UNC45B: variants seen among roughly 807,000 people sequenced by gnomAD.
The protein encoded by UNC45B is unc-45 myosin chaperone B.
In UNC45B, 78 loss-of-function variants were observed where a neutral mutation model predicts 98.7. The observed-to-expected ratio is 0.79, with a 90% CI of 0.66 to 0.95. The LOEUF (loss-of-function observed/expected upper bound fraction) is 0.95. Among genes scored for constraint, UNC45B ranks in the 40% least tolerant of loss-of-function variants. UNC45B has a pLI of 0.00. For missense variants in UNC45B, 1,225 were observed against 1,184.9 expected, an observed-to-expected ratio of 1.03 and a Z score of -0.50; for synonymous variants, 462 against 480.4, an observed-to-expected ratio of 0.96 and a Z score of 0.50.
At chr17:35,151,384 TTTCACCATG>T (rs2092018591) in intron 4 of UNC45B, among the ~76,000 whole-genome samples, 1 of 152,016 alleles carries the variant, frequency 6.6e-6, no homozygotes, top group Non-Finnish European at 1.5e-5. Flanking sequence ...AGAGATGGGG[TTTCACCATG>T]TTGGCCAGAC....
chr17:35,153,126 CA>C, intron 5 of UNC45B, 144 bp downstream of exon 5: 1 of 608,130 alleles, frequency 1.6e-6, no homozygotes. Context: ...CATTGGAACA[CA>C]GTGTAAACCA....
rs1188116917 is a variant in UNC45B, at chr17:35,168,357, T to G, written c.1448T>G (p.Leu483Arg). 1 of 1,341,598 alleles carries G rather than the reference T, an allele frequency of 7.5e-7. No individual in the cohort carries two copies. The allele number at this position is 1,341,598 out of a possible 1,614,324, so 83.1% of individuals were successfully genotyped here. ...TKNEKIKIRTLVGLCKLGSAG... is the reference protein window; with the variant it reads ...TKNEKIKIRTRVGLCKLGSAG... ...AATGAGAAGATCAAGATCCGCACACTGGTGGTGAGTGGGCTCGGTACCACC... is the reference window on the plus strand; with the variant it reads ...AATGAGAAGATCAAGATCCGCACACGGGTGGTGAGTGGGCTCGGTACCACC... Residue 483 changes from leucine to arginine, a missense_variant, in exon 10 of 20, where the codon CTG becomes CGG. Physicochemically the swap from Leu to Arg is moderately radical, Grantham distance 102 (BLOSUM62 -2). Transcript: ENST00000394570.
chr17:35,168,024 G>T, intron 9 of UNC45B, 37 bp from the exon 10 acceptor site: 2 of 1,425,132 alleles, frequency 1.4e-6, no homozygotes, highest in Middle Eastern at 1.9e-4. Context: ...CACTCTCTTG[G>T]ACCAGTTCTC....
At position 35,148,134 on chromosome 17, in the gene UNC45B, C is replaced by T. The variant is rs902466905; in HGVS notation, c.1-130C>T. The T allele has an allele frequency of 4.0e-6, 4 of 1,008,684 alleles. No homozygotes were observed. The African/African-American group carries it at 4.9e-5, about 12-fold the overall frequency. 62.5% of individuals were successfully genotyped at this position (1,008,684 alleles called of 1,614,324 possible). A position where few individuals can be genotyped will look rare whatever the true frequency, so the allele number is the denominator to read the frequency against. ...GATTTGGGGGTTCTGGGGGTGGGTC[C>T]CTTCCAGGCAGAATCCCCACCATCC... On this transcript the variant is annotated intron_variant, in intron 1 of 19. Coordinates refer to ENST00000394570, the MANE Select transcript of UNC45B (RefSeq NM_001267052.2).
chr17:35,168,413 C>T (rs2092157644), intron 10 of UNC45B, 52 bp downstream of exon 10: 2 of 1,293,234 alleles, frequency 1.5e-6, no homozygotes, highest in Non-Finnish European at 2.0e-6. Flanking sequence ...CCATGCCAGG[C>T]ACCAGGGACA....
At chr17:35,154,498 TCTTGTA>T in intron 5 of UNC45B, 70 bp from the exon 6 acceptor site, 1 of 1,415,122 alleles carries the variant, frequency 7.1e-7, no homozygotes, top group Non-Finnish European at 9.6e-7. Context: ...CACTGGCTCT[TCTTGTA>T]CTTGGCCCAT....
In UNC45B at chr17:35,170,189, C is replaced by A. The variant is rs531660473; in HGVS notation, c.1623C>A (p.Asp541Glu). Residue 541 changes from aspartate to glutamate, a missense_variant, in exon 12 of 20, where the codon GAC (aspartate) becomes GAA (glutamate). Transcript: ENST00000394570. ...AVEGLAYLTL[D>E]ADVKDDFVQD... The stretch of plus-strand genomic sequence containing the variant: ...AGGGCCTGGCCTACCTCACGCTGGA[C>A]GCTGATGTGAAGGACGACTTTGTCC... 4 of 1,613,922 alleles carry A rather than the reference C, an allele frequency of 2.5e-6. No individual in the cohort carries two copies. Among genetic ancestry groups the A allele is most frequent in the South Asian group, 2.2e-5 (2 of 91,068 alleles).
intron 17 of UNC45B, among the ~76,000 whole-genome samples, chr17:35,178,081 G>T (rs2092248668): frequency 6.6e-6 from 1 of 152,034 alleles, no homozygotes; most frequent in Non-Finnish European, 1.5e-5. Context: ...TGTATTTTTA[G>T]TAGAGACAGG....
At chr17:35,159,815 T>G (rs2092090170) in intron 8 of UNC45B, among the ~76,000 whole-genome samples, 1 of 152,148 alleles carries the variant, frequency 6.6e-6, no homozygotes, top group Admixed American at 6.5e-5. Context: ...GGACAAGGAC[T>G]CCACCAACCA....
At chr17:35,167,166 C>T (rs1263927601) in intron 9 of UNC45B, among the ~76,000 whole-genome samples, 1 of 152,206 alleles carries the variant, frequency 6.6e-6, no homozygotes, top group Non-Finnish European at 1.5e-5. Context: ...CCGGGCATCA[C>T]GCTAGGCCTT....
At chr17:35,159,034 A>T (rs1353841079) in intron 7 of UNC45B, among the ~76,000 whole-genome samples, 1 of 152,240 alleles carries the variant, frequency 6.6e-6, no homozygotes, top group Admixed American at 6.5e-5. Flanking sequence ...AAAGCATTTT[A>T]TTAAATCAGT....
At position 35,175,963 on chromosome 17, in the gene UNC45B, C is replaced by G; in HGVS notation, c.1959-5C>G. ...AACTGTTCTCCTTTCTTCTCGGTCCCACAGGGTATTCCTGGCACTGTGTGA... is the reference window on the plus strand; with the variant it reads ...AACTGTTCTCCTTTCTTCTCGGTCCGACAGGGTATTCCTGGCACTGTGTGA... On this transcript the variant is annotated splice_region_variant and splice_polypyrimidine_tract_variant and intron_variant, in intron 14 of 19. Coordinates refer to ENST00000394570, the MANE Select transcript of UNC45B (RefSeq NM_001267052.2). The G allele has an allele frequency of 6.2e-7, 1 of 1,613,888 alleles. No individual in the cohort carries two copies. Among genetic ancestry groups the G allele is most frequent in the Non-Finnish European group, 8.5e-7 (1 of 1,179,850 alleles).
At position 35,177,469 on chromosome 17, in the gene UNC45B, C is replaced by A. The variant is rs775917371; in HGVS notation, c.2140-26C>A. ...CTCAGGGAACAAAGTCCTCACCTGA[C>A]CAAACCCTTGACCCCTCCCCAACAG... On this transcript the variant is annotated intron_variant, in intron 16 of 19. Coordinates refer to ENST00000394570, the MANE Select transcript of UNC45B (RefSeq NM_001267052.2). 3 of 1,536,564 alleles carry A rather than the reference C, an allele frequency of 2.0e-6. No homozygotes were observed. In the South Asian group the frequency reaches 3.6e-5, roughly 18 times the overall value.
At chr17:35,183,898 C>T (rs1283112573) in intron 19 of UNC45B, among the ~76,000 whole-genome samples, 1 of 152,130 alleles carries the variant, frequency 6.6e-6, no homozygotes, top group African/African-American at 2.4e-5. Flanking sequence ...CAGAGCTTCC[C>T]AAGAGAAGCA....
chr17:35,185,411 G>A (rs1252340631), intron 19 of UNC45B, among the ~76,000 whole-genome samples: 3 of 151,984 alleles, frequency 2.0e-5, no homozygotes, highest in East Asian at 1.9e-4. Flanking sequence ...GGGTTCAAGC[G>A]ATTCTCCTGC....
chr17:35,171,212 G>A, intron 12 of UNC45B, 110 bp from the exon 13 acceptor site: 1 of 1,403,680 alleles, frequency 7.1e-7, no homozygotes, highest in Non-Finnish European at 9.8e-7. Flanking sequence ...CCTACCAGCT[G>A]CACTCCTCCG....
intron 4 of UNC45B, among the ~76,000 whole-genome samples, chr17:35,152,527 C>T (rs1040354076): frequency 6.6e-6 from 1 of 152,186 alleles, no homozygotes; most frequent in Non-Finnish European, 1.5e-5. Flanking sequence ...CTTCAGGATT[C>T]TGAGTATGGA....
intron 8 of UNC45B, among the ~76,000 whole-genome samples, chr17:35,160,742 T>A (rs2092097328): frequency 6.6e-6 from 1 of 152,190 alleles, no homozygotes; most frequent in Admixed American, 6.5e-5. Flanking sequence ...CGGGCCAAGA[T>A]TTTATTTTCC....
intron 7 of UNC45B, among the ~76,000 whole-genome samples, chr17:35,158,458 C>T (rs2092079109): frequency 6.6e-6 from 1 of 152,202 alleles, no homozygotes; most frequent in South Asian, 2.1e-4. Flanking sequence ...GTCACATAAG[C>T]AGCCCAGGGC....
Sources: gnomAD v4.1 joint callset for allele counts (sites outside exome capture counted in the v4.1 genomes callset) on GRCh38, gnomAD v4.1.1 for gene constraint, MANE v1.5 for transcripts, NCBI Gene and HGNC (gene_info 2026-07-23, HGNC 2026-07-21) for gene names.